Variants in AHCTF1 observed in about 807,000 individuals in gnomAD.
AHCTF1 encodes the protein protein ELYS.
A neutral mutation model predicts 248.4 loss-of-function variants in AHCTF1; 24 were observed. The observed-to-expected ratio is 0.10, with a 90% confidence interval of 0.07 to 0.14. The LOEUF (loss-of-function observed/expected upper bound fraction) is 0.14, where lower values mean the gene tolerates loss of function less well. Ranked by LOEUF, AHCTF1 falls within the 10% of genes least tolerant of loss-of-function variation. The pLI, the probability that AHCTF1 is intolerant of heterozygous loss-of-function variation, is 1.00. For missense variants in AHCTF1, 2,206 were observed against 2,636.2 expected (o/e 0.84, Z 3.57); for synonymous variants, 786 against 929.8 (o/e 0.85, Z 2.81).
intron 35 of AHCTF1, among the ~76,000 whole-genome samples, chr1:246,841,587 C>CCCATG (rs1659867966): frequency 6.6e-6 from 1 of 152,130 alleles, no homozygotes; most frequent in Non-Finnish European, 1.5e-5. Flanking sequence ...GAGTGATCTT[C>CCCATG]CCATGCATGC....
Position 246,843,822 on chromosome 1 carries a change from G to A in AHCTF1, c.6498C>T (p.Ser2166=). The change falls in exon 34 of 36, where the codon TCC becomes TCT. Residue 2166 remains serine (S), a synonymous_variant. Coordinates refer to ENST00000648844, the MANE Select transcript of AHCTF1 (RefSeq NM_001323342.2). The part of the protein sequence containing the change: ...PALRSRQKNT[S]NKNKLEDELK... ...GTTCATCTTCAAGCTTGTTCTTATT[G>A]GATGTGTTTTTTTGTCTGCTCCTTA... 1 of 1,476,948 alleles carries A rather than the reference G, an allele frequency of 6.8e-7. No homozygotes were observed. The highest frequency in any genetic ancestry group is 9.0e-7 in the Non-Finnish European group (1 of 1,112,850). 91.5% of individuals were successfully genotyped at this position (1,476,948 alleles called of 1,614,324 possible). A position where few individuals can be genotyped will look rare whatever the true frequency, so the allele number is the denominator to read the frequency against.
chr1:246,862,050 G>A lies in AHCTF1; in HGVS notation c.3644C>T (p.Pro1215Leu), dbSNP rs746530827. 1.2e-6 allele frequency: 2 copies of A among 1,612,146 alleles called. No individual in the cohort carries two copies. The highest frequency in any genetic ancestry group is 2.2e-5 in the East Asian group (1 of 44,870). The part of the protein sequence containing the change: ...STLRSTPLAS[P>L]SPSPGRSPQR... ...AGGAGACCTTCCAGGTGATGGAGAG[G>A]GAGATGCTAAAGGTGTTGATCGAAG... Residue 1215 changes from proline to leucine, a missense_variant, in exon 28 of 36, where the codon CCC (proline) becomes CTC (leucine). By Grantham distance (98) the Pro-to-Leu change is moderately conservative (BLOSUM62 -3). Transcript: ENST00000648844.
At chr1:246,859,728 A>G (rs1661387090) in intron 29 of AHCTF1, among the ~76,000 whole-genome samples, 1 of 151,956 alleles carries the variant, frequency 6.6e-6, no homozygotes. Context: ...AGTGCATGCT[A>G]TCGTGCCCAG....
chr1:246,858,962 G>A lies in AHCTF1; in HGVS notation c.4133-1148C>T, dbSNP rs556845538. ...AGCAATGTAGGCCAGGACCGGTGGCGCATGCCTGTAATCCAGCTACTTGGG... is the reference window on the plus strand; with the variant it reads ...AGCAATGTAGGCCAGGACCGGTGGCACATGCCTGTAATCCAGCTACTTGGG... On this transcript the variant is annotated intron_variant, in intron 29 of 35. Coordinates refer to ENST00000648844, the MANE Select transcript of AHCTF1 (RefSeq NM_001323342.2). Among the ~76,000 whole-genome samples the A allele has an allele frequency of 1.2e-4, 18 of 151,934 alleles. No individual in the cohort carries two copies. The East Asian group carries it at 2.3e-3, about 20-fold the overall frequency.
At chr1:246,858,964 A>G (rs1273651925) in intron 29 of AHCTF1, among the ~76,000 whole-genome samples, 1 of 151,898 alleles carries the variant, frequency 6.6e-6, no homozygotes, top group African/African-American at 2.4e-5. Flanking sequence ...CCGGTGGCGC[A>G]TGCCTGTAAT....
At chr1:246,843,752 G>T in intron 34 of AHCTF1, 43 bp downstream of exon 34, 3 of 1,193,090 alleles carry the variant, frequency 2.5e-6, no homozygotes, top group Non-Finnish European at 3.3e-6. Flanking sequence ...AAAAAAAAAA[G>T]TATGTTTTAA....
intron 14 of AHCTF1, among the ~76,000 whole-genome samples, chr1:246,894,449 G>T (rs1384062916): frequency 6.6e-6 from 1 of 152,012 alleles, no homozygotes; most frequent in Non-Finnish European, 1.5e-5. Context: ...TGGCGGGCAG[G>T]AGAATGGCGT....
intron 1 of AHCTF1, among the ~76,000 whole-genome samples, chr1:246,920,314 T>C (rs898428793): frequency 6.6e-6 from 1 of 152,056 alleles, no homozygotes; most frequent in African/African-American, 2.4e-5. Flanking sequence ...GCGATTTAGC[T>C]TGATAAGAAA....
chr1:246,868,989 C>A (rs532750301), intron 24 of AHCTF1, among the ~76,000 whole-genome samples: 2 of 151,206 alleles, frequency 1.3e-5, no homozygotes, highest in Non-Finnish European at 2.9e-5. Flanking sequence ...GGACTACAGG[C>A]GCCCGCCACC....
intron 1 of AHCTF1, among the ~76,000 whole-genome samples, chr1:246,930,961 G>T (rs73146640): frequency 1.3e-5 from 2 of 152,104 alleles, no homozygotes; most frequent in African/African-American, 2.4e-5. Flanking sequence ...AACCAAAACA[G>T]TCAACCAGTG....
In AHCTF1 at chr1:246,850,278, T is replaced by G. The variant is rs755134725; in HGVS notation, c.5728A>C (p.Asn1910His). 23 of 1,613,860 alleles carry G rather than the reference T, an allele frequency of 1.4e-5. No homozygotes were observed. The highest frequency in any genetic ancestry group is 1.9e-5 in the Non-Finnish European group (22 of 1,179,876). ...CCTGTATTTTCAGAAGCATCTAAAT[T>G]AGTACTTCTCAATTTTCTGATCATT... is the stretch of plus-strand genomic sequence containing the variant. ...SRMIRKLRST[N>H]LDASENTGNK... Residue 1910 changes from asparagine to histidine, a missense_variant, in exon 33 of 36, where the codon AAT (asparagine) becomes CAT (histidine). Physicochemically the swap from Asn to His is moderately conservative, Grantham distance 68 (BLOSUM62 1). Around this residue, in one of 6 missense-constraint regions of AHCTF1, gnomAD observed 469 missense variants for 470.0 expected, o/e 1.00. Transcript: ENST00000648844.
chr1:246,884,826 G>C (rs1180549900), intron 21 of AHCTF1, among the ~76,000 whole-genome samples: 1 of 152,086 alleles, frequency 6.6e-6, no homozygotes, highest in Non-Finnish European at 1.5e-5. Flanking sequence ...GGATGCAATA[G>C]GGCAAATGCA....
chr1:246,902,486 C>T, intron 8 of AHCTF1, 39 bp downstream of exon 8: 1 of 1,566,008 alleles, frequency 6.4e-7, no homozygotes, highest in Non-Finnish European at 8.7e-7. Context: ...AATTTTAAAT[C>T]CAGCCTTCAC....
At chr1:246,876,822 G>T in intron 23 of AHCTF1, 128 bp downstream of exon 23, 1 of 1,139,318 alleles carries the variant, frequency 8.8e-7, no homozygotes, top group South Asian at 1.6e-5. Flanking sequence ...ATGAACTGAG[G>T]ATTCTCCAAG....
At chr1:246,873,358 T>C (rs1305893713) in intron 24 of AHCTF1, among the ~76,000 whole-genome samples, 1 of 152,196 alleles carries the variant, frequency 6.6e-6, no homozygotes, top group African/African-American at 2.4e-5. Flanking sequence ...GACAATTCAC[T>C]AGTCAATTTC....
intron 1 of AHCTF1, among the ~76,000 whole-genome samples, chr1:246,922,940 A>G (rs144439704): frequency 0.02 from 2,737 of 139,326 alleles, 97 homozygotes; most frequent in African/African-American, 0.07. Flanking sequence ...CCGAGATTGC[A>G]CCACTGCACT....
intron 9 of AHCTF1, 35 bp from the exon 10 acceptor site, chr1:246,900,281 G>A: frequency 6.3e-7 from 1 of 1,585,030 alleles, no homozygotes; most frequent in Non-Finnish European, 8.5e-7. Flanking sequence ...TAAGTCATTG[G>A]TCAGCTACAC....
Position 246,851,239 on chromosome 1 carries a change from T to A in AHCTF1, c.4767A>T (p.Gln1589His), listed in dbSNP as rs769738929. The A allele has an allele frequency of 1.2e-6, 2 of 1,613,838 alleles. No individual in the cohort carries two copies. Among genetic ancestry groups the A allele is most frequent in the Admixed American group, 3.3e-5 (2 of 59,996 alleles). ...CTTCCAATATCAAGGTAAAGTTGCTTTGAGCCACAAAAAGTTCCCCATCTA... is the reference window on the plus strand; with the variant it reads ...CTTCCAATATCAAGGTAAAGTTGCTATGAGCCACAAAAAGTTCCCCATCTA... Reference protein sequence around the residue: ...AEVDGELFVAQSNFTLILEGE... With the variant: ...AEVDGELFVAHSNFTLILEGE... Residue 1589 changes from glutamine to histidine, a missense_variant, in exon 33 of 36, where the codon CAA becomes CAT. Gln to His is a conservative substitution (Grantham distance 24). Around this residue, in one of 6 missense-constraint regions of AHCTF1, gnomAD observed 955 missense variants for 1,055.6 expected, o/e 0.90. Coordinates refer to ENST00000648844, the MANE Select transcript of AHCTF1 (RefSeq NM_001323342.2).
Position 246,880,331 on chromosome 1 carries a change from G to A in AHCTF1, c.2661-3029C>T, listed in dbSNP as rs536609093. On this transcript the variant is annotated intron_variant, in intron 21 of 35. Transcript: ENST00000648844. Reference sequence around the variant, plus strand: ...TGTAATCCCAGCACTTTGGGAGCCCGAGGCGGGCAGATCACGAGGTCAGGA... The same window carrying A: ...TGTAATCCCAGCACTTTGGGAGCCCAAGGCGGGCAGATCACGAGGTCAGGA... Among the ~76,000 whole-genome samples, 25 of 151,860 alleles carry A rather than the reference G, an allele frequency of 1.6e-4. No homozygotes were observed. In the South Asian group the frequency reaches 3.1e-3, roughly 19 times the overall value.
Sources: gnomAD v4.1 joint callset for allele counts (sites outside exome capture counted in the v4.1 genomes callset) on GRCh38, gnomAD v4.1.1 for gene constraint, gnomAD v4.1.1 regional missense constraint, MANE v1.5 for transcripts, NCBI Gene and HGNC (gene_info 2026-07-23, HGNC 2026-07-21) for gene names.